PAM: variants seen among roughly 807,000 people sequenced by gnomAD.
PAM encodes peptidyl-glycine alpha-amidating monooxygenase.
Under a neutral mutation model 122.1 loss-of-function variants are expected in PAM, and 72 were observed. The observed-to-expected ratio is 0.59, with a 90% CI of 0.49 to 0.72. PAM has a LOEUF of 0.72. Ranked by LOEUF, PAM falls within the 30% of genes least tolerant of loss-of-function variation. The pLI is 0.00. For missense variants in PAM, 1,106 were observed against 1,183.7 expected, an observed-to-expected ratio of 0.93 and a Z score of 0.96; for synonymous variants, 389 against 404.4, an observed-to-expected ratio of 0.96 and a Z score of 0.46.
intron 3 of PAM, chr5:102,873,553 C>T (rs1231396071): frequency 6.6e-6 from 1 of 152,292 alleles, no homozygotes; most frequent in Non-Finnish European, 1.5e-5. Flanking sequence ...ATCTGTCCAC[C>T]ACTACAGGCC....
At chr5:102,872,794 A>G (rs1298274632) in intron 3 of PAM, among the ~76,000 whole-genome samples, 1 of 152,192 alleles carries the variant, frequency 6.6e-6, no homozygotes, top group East Asian at 1.9e-4. Flanking sequence ...GCTTTTGTCT[A>G]GTTTTCAGGC....
chr5:102,890,226 A>T (rs1794389119), intron 3 of PAM, among the ~76,000 whole-genome samples: 1 of 151,846 alleles, frequency 6.6e-6, no homozygotes, highest in South Asian at 2.1e-4. Flanking sequence ...AATGTTTCAT[A>T]GATGGTGGTA....
At position 102,944,425 on chromosome 5, in the gene PAM, A is replaced by T. The variant is rs545362915; in HGVS notation, c.527-2412A>T. 1.2e-3 allele frequency among the ~76,000 whole-genome samples: 179 copies of T among 152,252 alleles called. 1 individual carries two copies. The highest frequency in any genetic ancestry group is 1.9e-3 in the Non-Finnish European group (128 of 67,994). ...CAACCCAATGAAAGAAAGAATATTT[A>T]CTTTGGAATAATAAAACTAAAATAA... On this transcript the variant is annotated intron_variant, in intron 7 of 25. Transcript: ENST00000438793.
intron 15 of PAM, chr5:102,990,013 T>C: frequency 3.8e-6 from 1 of 262,248 alleles, no homozygotes; most frequent in Non-Finnish European, 7.1e-6. Flanking sequence ...CTTTAATGAC[T>C]TGGGTTAGCT....
chr5:102,816,180 G>T (rs968397211), intron 1 of PAM, among the ~76,000 whole-genome samples: 6 of 152,064 alleles, frequency 3.9e-5, no homozygotes, highest in African/African-American at 1.4e-4. Flanking sequence ...TTATGTTATT[G>T]ATGATCTGAA....
rs1218217564 is a variant in PAM, at chr5:102,849,837, A to T, written c.-373-15986A>T. ...TCGGGAAAATGAATGTCAGTACCAG[A>T]ACACCCTGCTAAAAGAGTGGAAAAT... On this transcript the variant is annotated intron_variant, in intron 1 of 25. Transcript: ENST00000438793. Among the ~76,000 whole-genome samples, 3 of 152,178 alleles carry T rather than the reference A, an allele frequency of 2.0e-5. No homozygotes were observed. In the East Asian group the frequency reaches 5.8e-4, roughly 29 times the overall value.
chr5:102,942,720 C>G (rs1755690560), intron 7 of PAM, among the ~76,000 whole-genome samples: 2 of 149,688 alleles, frequency 1.3e-5, no homozygotes, highest in Non-Finnish European at 3.0e-5. Context: ...CAGTCACACG[C>G]CAGCATGCCC....
At chr5:102,849,065 T>TA (rs1163547132) in intron 1 of PAM, among the ~76,000 whole-genome samples, 1 of 151,786 alleles carries the variant, frequency 6.6e-6, no homozygotes, top group Non-Finnish European at 1.5e-5. Flanking sequence ...AAATAAACTA[T>TA]AAAAAATCAG....
At chr5:102,781,514 C>T (rs1343104988) in intron 1 of PAM, among the ~76,000 whole-genome samples, 1 of 152,162 alleles carries the variant, frequency 6.6e-6, no homozygotes, top group African/African-American at 2.4e-5. Context: ...AAGTGCAGTT[C>T]ACAGTTTAGT....
At chr5:102,810,952 G>C (rs1767741011) in intron 1 of PAM, among the ~76,000 whole-genome samples, 2 of 152,204 alleles carry the variant, frequency 1.3e-5, no homozygotes, top group African/African-American at 4.8e-5. Context: ...GGTTGTGAGG[G>C]ACTGGTTAAG....
At chr5:102,841,630 CA>C (rs1194098987) in intron 1 of PAM, among the ~76,000 whole-genome samples, 1 of 152,118 alleles carries the variant, frequency 6.6e-6, no homozygotes, top group African/African-American at 2.4e-5. Flanking sequence ...TATAACTTTA[CA>C]GATGAACATA....
intron 3 of PAM, among the ~76,000 whole-genome samples, chr5:102,884,966 G>T (rs1028565054): frequency 1.3e-5 from 2 of 151,848 alleles, no homozygotes; most frequent in African/African-American, 4.8e-5. Flanking sequence ...GAAAACATTT[G>T]CCATGGCAAC....
At chr5:103,016,352 G>C (rs1411079146) in intron 21 of PAM, among the ~76,000 whole-genome samples, 1 of 152,218 alleles carries the variant, frequency 6.6e-6, no homozygotes, top group Non-Finnish European at 1.5e-5. Context: ...GGGTTAGGCA[G>C]ATGCTGGCTG....
At chr5:102,825,244 A>G (rs1328637926) in intron 1 of PAM, among the ~76,000 whole-genome samples, 2 of 152,238 alleles carry the variant, frequency 1.3e-5, no homozygotes, top group Non-Finnish European at 2.9e-5. Context: ...AACTTGGATA[A>G]TGGATCTCTC....
At chr5:102,861,905 C>T (rs1169679697) in intron 1 of PAM, among the ~76,000 whole-genome samples, 1 of 152,142 alleles carries the variant, frequency 6.6e-6, no homozygotes. Context: ...CATGATGGCT[C>T]ATGCCTGTAA....
chr5:102,963,998 G>A (rs1263869675), intron 14 of PAM, among the ~76,000 whole-genome samples: 2 of 150,186 alleles, frequency 1.3e-5, no homozygotes, highest in African/African-American at 4.9e-5. Flanking sequence ...TACTAAGATA[G>A]AAAAAAAAGA....
chr5:102,774,286 CAT>C (rs1219941368), intron 1 of PAM, among the ~76,000 whole-genome samples: 1 of 152,014 alleles, frequency 6.6e-6, no homozygotes, highest in Admixed American at 6.6e-5. Flanking sequence ...GAGGAATTGC[CAT>C]ACTGCTTCTG....
chr5:102,795,592 G>GA (rs1467620421), intron 1 of PAM, among the ~76,000 whole-genome samples: 3 of 152,168 alleles, frequency 2.0e-5, no homozygotes, highest in Admixed American at 6.5e-5. Flanking sequence ...TTTGACAAAT[G>GA]AAGAAATCTT....
At chr5:102,960,138 T>C in intron 13 of PAM, 79 bp downstream of exon 13, 2 of 767,110 alleles carry the variant, frequency 2.6e-6, no homozygotes, top group Non-Finnish European at 4.2e-6. Context: ...TGATGATATT[T>C]AAAATCATCT....
Sources: allele counts gnomAD v4.1 joint callset (sites outside exome capture counted in the v4.1 genomes callset), GRCh38; gene constraint gnomAD v4.1.1; transcripts MANE v1.5; gene names NCBI Gene and HGNC (gene_info 2026-07-23, HGNC 2026-07-21).